CENPP: variants seen among roughly 807,000 people sequenced by gnomAD.
CENPP encodes the protein centromere protein P.
CENPP carries 24 observed loss-of-function variants against 35.6 expected under a neutral mutation model. The ratio of observed to expected loss-of-function variants is 0.67; its 90% CI spans 0.49 to 0.95. The LOEUF (loss-of-function observed/expected upper bound fraction) is 0.95, where lower values mean the gene tolerates loss of function less well. CENPP is among the 40% of genes least tolerant of loss of function. The probability of loss-of-function intolerance (pLI) is 0.00; values close to 1 mark genes in which losing one functional copy is unlikely to be tolerated. For synonymous variants in CENPP, 120 were observed against 125.5 expected (o/e 0.96, Z 0.29); for missense variants, 332 against 345.3 (o/e 0.96, Z 0.31).
At chr9:92,510,022 ACTT>A (rs1215309072) in intron 5 of CENPP, 1 of 1,597,352 alleles carries the variant, frequency 6.3e-7, no homozygotes, top group Admixed American at 1.9e-5. Context: ...AAACGCATTA[ACTT>A]CTTCAGAAGC....
At chr9:92,503,963 C>A (rs914535396) in intron 5 of CENPP, among the ~76,000 whole-genome samples, 2 of 152,130 alleles carry the variant, frequency 1.3e-5, no homozygotes, top group Non-Finnish European at 2.9e-5. Context: ...GTAGTATGTG[C>A]CACGCATTTG....
chr9:92,522,888 C>A lies in CENPP; in HGVS notation c.565-88426C>A, dbSNP rs779997929. On this transcript the variant is annotated intron_variant, in intron 5 of 7. Coordinates refer to ENST00000375587, the MANE Select transcript of CENPP (RefSeq NM_001012267.3). ...TCATGTTTGATTTTTTTCCACCAGC[C>A]AATTTCTAGAATGAAACAATATTTC... 5 of 1,576,570 alleles carry A rather than the reference C, an allele frequency of 3.2e-6. No individual in the cohort carries two copies. In the Admixed American group the frequency reaches 9.1e-5, roughly 29 times the overall value.
intron 4 of CENPP, among the ~76,000 whole-genome samples, chr9:92,367,710 T>C (rs1251991619): frequency 1.3e-5 from 2 of 151,748 alleles, no homozygotes; most frequent in African/African-American, 2.4e-5. Context: ...CTCCGCCTCC[T>C]GGGTTCAAGC....
intron 4 of CENPP, among the ~76,000 whole-genome samples, chr9:92,375,016 C>A (rs187944570): frequency 7.9e-5 from 12 of 152,280 alleles, no homozygotes; most frequent in Non-Finnish European, 4.4e-5. Context: ...TATAATGTGT[C>A]TTGATGTGGA....
intron 4 of CENPP, among the ~76,000 whole-genome samples, chr9:92,371,060 G>C (rs1397384000): frequency 6.6e-6 from 1 of 151,866 alleles, no homozygotes; most frequent in Non-Finnish European, 1.5e-5. Context: ...GTTTTGTTTT[G>C]TTGGTCCTTT....
At chr9:92,329,055 T>A (rs1840655407) in intron 1 of CENPP, among the ~76,000 whole-genome samples, 1 of 152,182 alleles carries the variant, frequency 6.6e-6, no homozygotes, top group Non-Finnish European at 1.5e-5. Context: ...GAGTTCTGCA[T>A]ATCCAGCCTT....
At chr9:92,335,579 TC>T (rs1840899961) in intron 2 of CENPP, among the ~76,000 whole-genome samples, 1 of 151,422 alleles carries the variant, frequency 6.6e-6, no homozygotes, top group African/African-American at 2.4e-5. Flanking sequence ...GTGTCTAGAT[TC>T]TTTTTTTTTT....
At chr9:92,534,043 TA>T in intron 5 of CENPP, among the ~76,000 whole-genome samples, 1 of 152,284 alleles carries the variant, frequency 6.6e-6, no homozygotes, top group South Asian at 2.1e-4. Flanking sequence ...TCTTTTAAAC[TA>T]AAAACTTCTT....
At chr9:92,573,821 G>A (rs1026128199) in intron 5 of CENPP, among the ~76,000 whole-genome samples, 4 of 152,326 alleles carry the variant, frequency 2.6e-5, no homozygotes, top group East Asian at 1.9e-4. Flanking sequence ...CCCCAGCCTC[G>A]CGGCCGCCTT....
intron 5 of CENPP, among the ~76,000 whole-genome samples, chr9:92,532,034 A>ATTTTTTTTTTTTTT (rs58499748): frequency 1.0e-5 from 1 of 98,254 alleles, no homozygotes; most frequent in East Asian, 2.2e-4. Flanking sequence ...TTTTTATTTT[A>ATTTTTTTTTTTTTT]TTTTTTTTTT....
chr9:92,541,310 TCTAA>T (rs1849312844), intron 5 of CENPP, among the ~76,000 whole-genome samples: 1 of 151,968 alleles, frequency 6.6e-6, no homozygotes, highest in Admixed American at 6.6e-5. Flanking sequence ...ATTCCTCCTG[TCTAA>T]CTAAAACATT....
chr9:92,469,681 C>A (rs933620778), intron 5 of CENPP, among the ~76,000 whole-genome samples: 2 of 152,126 alleles, frequency 1.3e-5, no homozygotes, highest in Non-Finnish European at 2.9e-5. Flanking sequence ...AATAGCCAGG[C>A]CTGGCTTACC....
intron 4 of CENPP, among the ~76,000 whole-genome samples, chr9:92,360,670 A>G (rs7030920): frequency 0.37 from 55,732 of 151,946 alleles, 12,526 homozygotes; most frequent in African/African-American, 0.63. Flanking sequence ...ATAGTTTGTC[A>G]TATTTCTCCA....
intron 5 of CENPP, chr9:92,510,078 C>T: frequency 6.4e-7 from 1 of 1,561,830 alleles, no homozygotes; most frequent in Non-Finnish European, 8.6e-7. Context: ...CTAGTCACAG[C>T]TGTGCAGTCA....
chr9:92,401,619 A>C (rs908386210), intron 5 of CENPP, among the ~76,000 whole-genome samples: 3 of 152,172 alleles, frequency 2.0e-5, no homozygotes, highest in Non-Finnish European at 4.4e-5. Context: ...GCCATGTCAC[A>C]AGTATAAACT....
intron 4 of CENPP, among the ~76,000 whole-genome samples, chr9:92,366,209 C>T (rs1355285338): frequency 4.0e-5 from 6 of 151,330 alleles, no homozygotes; most frequent in Non-Finnish European, 8.8e-5. Flanking sequence ...GAATTATTTC[C>T]AGGGTTCTGT....
rs78505709 is a variant in CENPP, at chr9:92,400,029, T to C, written c.564+20170T>C. On this transcript the variant is annotated intron_variant, in intron 5 of 7. Transcript: ENST00000375587. ...TCTAGAATCTGGTTTTCCAGCTTTA[T>C]AAAAAAATTTATTGGTAATTTTAGT... Among the ~76,000 whole-genome samples the C allele has an allele frequency of 4.8e-3, 732 of 152,330 alleles. 4 individuals carry two copies. Among genetic ancestry groups the C allele is most frequent in the African/African-American group, 0.015 (636 of 41,590 alleles).
At chr9:92,452,720 A>G (rs1307426521) in intron 5 of CENPP, among the ~76,000 whole-genome samples, 1 of 152,128 alleles carries the variant, frequency 6.6e-6, no homozygotes, top group South Asian at 2.1e-4. Flanking sequence ...CTGTGAATCC[A>G]TCTGGTCCTG....
At chr9:92,398,548 T>C (rs1842984728) in intron 5 of CENPP, among the ~76,000 whole-genome samples, 1 of 152,184 alleles carries the variant, frequency 6.6e-6, no homozygotes, top group East Asian at 1.9e-4. Flanking sequence ...CACTTTGTTT[T>C]TTTTTTCCAC....
Sources: gnomAD v4.1 joint callset for allele counts (sites outside exome capture counted in the v4.1 genomes callset) on GRCh38, gnomAD v4.1.1 for gene constraint, MANE v1.5 for transcripts, NCBI Gene and HGNC (gene_info 2026-07-23, HGNC 2026-07-21) for gene names.